Variants in SORCS2 observed in about 807,000 individuals in gnomAD.
SORCS2 encodes the protein VPS10 domain-containing receptor SorCS2.
SORCS2 carries 100 observed loss-of-function variants against 141.6 expected under a neutral mutation model. That is an observed-to-expected ratio of 0.71 (90% confidence interval 0.60 to 0.83). SORCS2 has a LOEUF of 0.83. Ranked by LOEUF, SORCS2 falls within the 40% of genes least tolerant of loss-of-function variation. The pLI is 0.00. For synonymous variants in SORCS2, 789 were observed against 676.9 expected, an observed-to-expected ratio of 1.17 and a Z score of -2.57; for missense variants, 1,646 against 1,560.2, an observed-to-expected ratio of 1.05 and a Z score of -0.93.
intron 6 of SORCS2, among the ~76,000 whole-genome samples, chr4:7,661,765 G>A (rs935331636): frequency 2.0e-5 from 3 of 152,194 alleles, no homozygotes; most frequent in African/African-American, 7.2e-5. Context: ...CCACTCCAGT[G>A]GAAAAGTCTA....
rs1716254989 is a variant in SORCS2 at position 7,582,889 on chromosome 4, TC to T, written c.648+51261del. 2.0e-5 allele frequency among the ~76,000 whole-genome samples: 3 copies of T among 152,154 alleles called. No individual in the cohort carries two copies. The South Asian group carries it at 6.2e-4, about 32-fold the overall frequency. ...CTGGTCATGCCCACCCTGTCACTCA[TC>T]ACTGCCCTCTCTACTGATTGGCTTC... On this transcript the variant is annotated intron_variant, in intron 3 of 26. Coordinates refer to ENST00000507866, the MANE Select transcript of SORCS2 (RefSeq NM_020777.3).
At chr4:7,651,958 A>G (rs1721473660) in intron 4 of SORCS2, among the ~76,000 whole-genome samples, 2 of 152,170 alleles carry the variant, frequency 1.3e-5, no homozygotes, top group Admixed American at 1.3e-4. Flanking sequence ...CAGGGAAGAA[A>G]GGGAAGGGAG....
At chr4:7,501,874 A>T (rs1377588935) in intron 2 of SORCS2, among the ~76,000 whole-genome samples, 1 of 152,254 alleles carries the variant, frequency 6.6e-6, no homozygotes, top group Non-Finnish European at 1.5e-5. Flanking sequence ...TTGGAAGAAC[A>T]GTCACCCCTG....
intron 3 of SORCS2, among the ~76,000 whole-genome samples, chr4:7,553,395 C>T (rs1322329886): frequency 6.6e-6 from 1 of 152,164 alleles, no homozygotes; most frequent in African/African-American, 2.4e-5. Flanking sequence ...AACATATTTT[C>T]AGTACTGAAT....
At chr4:7,380,475 TCAA>T (rs902033012) in intron 1 of SORCS2, among the ~76,000 whole-genome samples, 49 of 27,388 alleles carry the variant, frequency 1.8e-3, no homozygotes, top group Admixed American at 6.0e-3. Context: ...GATTCTGAAT[TCAA>T]ATTCAAGAGA....
chr4:7,714,672 G>A (rs997923543), intron 16 of SORCS2, among the ~76,000 whole-genome samples: 1 of 152,204 alleles, frequency 6.6e-6, no homozygotes, highest in African/African-American at 2.4e-5. Context: ...GGGACGTGCT[G>A]CACCCACCCC....
chr4:7,258,158 T>A (rs891178630), intron 1 of SORCS2, among the ~76,000 whole-genome samples: 11 of 152,210 alleles, frequency 7.2e-5, no homozygotes, highest in African/African-American at 1.7e-4. Context: ...AATTTTTTTT[T>A]AAAATTATAC....
intron 3 of SORCS2, among the ~76,000 whole-genome samples, chr4:7,631,432 G>A (rs1041928136): frequency 6.6e-6 from 1 of 152,118 alleles, no homozygotes; most frequent in Non-Finnish European, 1.5e-5. Flanking sequence ...ATCTCCCGGT[G>A]TCTGCCCTTG....
intron 1 of SORCS2, among the ~76,000 whole-genome samples, chr4:7,366,209 C>T (rs1008719994): frequency 6.6e-6 from 1 of 152,060 alleles, no homozygotes; most frequent in African/African-American, 2.4e-5. Context: ...ATCCTTCCTT[C>T]CTCCCTCTCT....
intron 2 of SORCS2, among the ~76,000 whole-genome samples, chr4:7,530,808 C>G (rs1711572488): frequency 6.6e-6 from 1 of 152,222 alleles, no homozygotes; most frequent in Non-Finnish European, 1.5e-5. Context: ...GCTCAGTGTA[C>G]TCTCAGATTC....
At chr4:7,327,707 G>A (rs925512395) in intron 1 of SORCS2, among the ~76,000 whole-genome samples, 5 of 152,188 alleles carry the variant, frequency 3.3e-5, no homozygotes, top group African/African-American at 1.2e-4. Context: ...AGACCCGTCA[G>A]ACCCTTTGGT....
intron 3 of SORCS2, among the ~76,000 whole-genome samples, chr4:7,600,654 T>C (rs547068518): frequency 2.9e-4 from 27 of 92,752 alleles, no homozygotes; most frequent in African/African-American, 9.1e-4. Context: ...TACATATATA[T>C]ATACACACAC....
intron 3 of SORCS2, among the ~76,000 whole-genome samples, chr4:7,579,588 A>G (rs1249067382): frequency 6.6e-6 from 1 of 152,140 alleles, no homozygotes; most frequent in Non-Finnish European, 1.5e-5. Context: ...GGCCTGGTCC[A>G]AGTATCCCTG....
intron 1 of SORCS2, among the ~76,000 whole-genome samples, chr4:7,259,971 G>A (rs944632924): frequency 6.6e-6 from 1 of 152,262 alleles, no homozygotes; most frequent in Non-Finnish European, 1.5e-5. Flanking sequence ...GCAGGCAGGG[G>A]CTGAGGGTGA....
At chr4:7,253,215 C>A (rs1713624095) in intron 1 of SORCS2, among the ~76,000 whole-genome samples, 1 of 152,254 alleles carries the variant, frequency 6.6e-6, no homozygotes, top group African/African-American at 2.4e-5. Context: ...GTCTCAGACT[C>A]CCTTGTCCCC....
At chr4:7,270,200 C>T (rs1376578487) in intron 1 of SORCS2, among the ~76,000 whole-genome samples, 1 of 152,266 alleles carries the variant, frequency 6.6e-6, no homozygotes, top group Non-Finnish European at 1.5e-5. Context: ...TAAATCTCAT[C>T]CAGAGGCATA....
chr4:7,719,719 G>A (rs1367220135), intron 18 of SORCS2, among the ~76,000 whole-genome samples: 1 of 152,146 alleles, frequency 6.6e-6, no homozygotes, highest in Non-Finnish European at 1.5e-5. Context: ...GCCCGTCCGG[G>A]GCCGACTTCC....
chr4:7,636,158 G>C (rs1304613205), intron 3 of SORCS2, among the ~76,000 whole-genome samples: 2 of 151,994 alleles, frequency 1.3e-5, no homozygotes, highest in Non-Finnish European at 2.9e-5. Context: ...GCCCCATTCT[G>C]CGTAGGCGCA....
At chr4:7,315,371 C>G (rs1485695786) in intron 1 of SORCS2, among the ~76,000 whole-genome samples, 2 of 152,370 alleles carry the variant, frequency 1.3e-5, no homozygotes, top group East Asian at 1.9e-4. Flanking sequence ...ATTCTCATTT[C>G]CATTCTTGCC....
Sources: gnomAD v4.1 joint callset for allele counts (sites outside exome capture counted in the v4.1 genomes callset) on GRCh38, gnomAD v4.1.1 for gene constraint, MANE v1.5 for transcripts, NCBI Gene and HGNC (gene_info 2026-07-23, HGNC 2026-07-21) for gene names.